The following TANGO6 variants were observed in gnomAD, a reference collection of about 807,000 sequenced individuals.
The protein encoded by TANGO6 is transport and golgi organization 6 homolog, also known as transport and Golgi organization protein 6 homolog.
A neutral mutation model predicts 114.2 loss-of-function variants in TANGO6; 90 were observed. The ratio of observed to expected loss-of-function variants is 0.79; its 90% confidence interval spans 0.66 to 0.94. The LOEUF (loss-of-function observed/expected upper bound fraction) is 0.94. Among genes scored for constraint, TANGO6 ranks in the 40% least tolerant of loss-of-function variants. TANGO6 has a pLI of 0.00. For synonymous variants in TANGO6, 477 were observed against 509.8 expected, an observed-to-expected ratio of 0.94 and a Z score of 0.87; for missense variants, 1,274 against 1,315.3, an observed-to-expected ratio of 0.97 and a Z score of 0.49.
intron 14 of TANGO6, among the ~76,000 whole-genome samples, chr16:68,934,338 C>T (rs1963278564): frequency 6.6e-6 from 1 of 152,088 alleles, no homozygotes; most frequent in African/African-American, 2.4e-5. Flanking sequence ...AGCCACTGTG[C>T]CCAGCCAAAT....
At chr16:69,046,382 C>T (rs1959858604) in intron 17 of TANGO6, among the ~76,000 whole-genome samples, 1 of 151,268 alleles carries the variant, frequency 6.6e-6, no homozygotes, top group South Asian at 2.1e-4. Flanking sequence ...TGCAGTGGCA[C>T]GATCTCGGCT....
chr16:69,033,461 A>G (rs1959632477), intron 16 of TANGO6, among the ~76,000 whole-genome samples: 1 of 152,142 alleles, frequency 6.6e-6, no homozygotes, highest in Non-Finnish European at 1.5e-5. Flanking sequence ...AGAGGAGTAA[A>G]TCAACAGTGG....
intron 7 of TANGO6, among the ~76,000 whole-genome samples, chr16:68,891,992 A>T (rs943830499): frequency 1.1e-4 from 16 of 152,082 alleles, no homozygotes; most frequent in African/African-American, 3.1e-4. Flanking sequence ...AAGGAAATGC[A>T]TAGGGCATTG....
intron 15 of TANGO6, chr16:69,007,106 T>C (rs1052164822): frequency 1.3e-5 from 2 of 152,206 alleles, no homozygotes; most frequent in African/African-American, 4.8e-5. Context: ...GGAGCCATGC[T>C]AATCTCTGTA....
chr16:69,051,785 G>T (rs890753849), intron 17 of TANGO6, among the ~76,000 whole-genome samples: 7 of 152,160 alleles, frequency 4.6e-5, no homozygotes, highest in Admixed American at 2.6e-4. Context: ...GATGGAGGCT[G>T]CAGTGAGCCA....
At chr16:69,036,788 C>T (rs1439207892) in intron 16 of TANGO6, among the ~76,000 whole-genome samples, 1 of 151,850 alleles carries the variant, frequency 6.6e-6, no homozygotes, top group African/African-American at 2.4e-5. Flanking sequence ...CATGGCAAAA[C>T]TCCATCTCTA....
At chr16:69,018,473 AT>A (rs1959344154) in intron 15 of TANGO6, among the ~76,000 whole-genome samples, 1 of 151,396 alleles carries the variant, frequency 6.6e-6, no homozygotes, top group African/African-American at 2.4e-5. Flanking sequence ...GCAATATATC[AT>A]AGGAGTTACT....
chr16:68,902,807 C>T (rs1962802654), intron 9 of TANGO6, among the ~76,000 whole-genome samples: 1 of 152,182 alleles, frequency 6.6e-6, no homozygotes, highest in South Asian at 2.1e-4. Flanking sequence ...CATGTTCACC[C>T]TTAACACCAT....
At chr16:69,043,861 C>A (rs534828591) in intron 17 of TANGO6, among the ~76,000 whole-genome samples, 1 of 152,248 alleles carries the variant, frequency 6.6e-6, no homozygotes, top group African/African-American at 2.4e-5. Flanking sequence ...TCAGTGAATT[C>A]TCTGTTGCTT....
chr16:68,968,565 A>G (rs1010813136), intron 14 of TANGO6, among the ~76,000 whole-genome samples: 2 of 150,294 alleles, frequency 1.3e-5, no homozygotes, highest in Admixed American at 6.6e-5. Flanking sequence ...GGGTTTCACC[A>G]TGTTGGTCAG....
chr16:68,870,593 C>T (rs1962251443), intron 4 of TANGO6, among the ~76,000 whole-genome samples: 1 of 152,092 alleles, frequency 6.6e-6, no homozygotes, highest in African/African-American at 2.4e-5. Context: ...TATGAGTTCC[C>T]CCAACTTGTG....
At chr16:68,852,383 A>G (rs1344108787) in intron 1 of TANGO6, among the ~76,000 whole-genome samples, 1 of 151,982 alleles carries the variant, frequency 6.6e-6, no homozygotes, top group Non-Finnish European at 1.5e-5. Flanking sequence ...TTACATTTTG[A>G]TTCCTTCTAA....
intron 1 of TANGO6, among the ~76,000 whole-genome samples, chr16:68,856,592 C>A (rs1284164877): frequency 6.6e-6 from 1 of 152,150 alleles, no homozygotes; most frequent in African/African-American, 2.4e-5. Context: ...CCCATATACT[C>A]CCTTCCCTAC....
Position 69,011,832 on chromosome 16 carries a change from G to A in TANGO6, c.2843-10996G>A, listed in dbSNP as rs796113447. 6.6e-5 allele frequency among the ~76,000 whole-genome samples: 10 copies of A among 152,194 alleles called. 1 individual carries two copies. The highest frequency in any genetic ancestry group is 1.9e-4 in the African/African-American group (8 of 41,516). The stretch of plus-strand genomic sequence containing the variant: ...GGGATCTGATATGCATAAATGAATC[G>A]ATCACTCTAGACTTCAGAGTACCAT... On this transcript the variant is annotated intron_variant, in intron 15 of 17. Transcript: ENST00000261778.
At chr16:69,082,728 A>T (rs1478380181) in intron 17 of TANGO6, among the ~76,000 whole-genome samples, 1 of 151,606 alleles carries the variant, frequency 6.6e-6, no homozygotes, top group African/African-American at 2.4e-5. Flanking sequence ...CTGGCAACAG[A>T]GTGAGACTCC....
rs1170142167 is a variant in TANGO6, at chr16:68,980,433, A to ATT, written c.2842+6266_2842+6267insTT. 9.0e-4 allele frequency among the ~76,000 whole-genome samples: 73 copies of ATT among 80,744 alleles called. 1 individual carries two copies. Among genetic ancestry groups the ATT allele is most frequent in the African/African-American group, 3.1e-3 (60 of 19,094 alleles). The allele number at this position is 80,744 out of a possible 152,430, so 53.0% of individuals were successfully genotyped here. A position where few individuals can be genotyped will look rare whatever the true frequency, so the allele number is the denominator to read the frequency against. On this transcript the variant is annotated intron_variant, in intron 15 of 17. Transcript: ENST00000261778. The stretch of plus-strand genomic sequence containing the variant: ...TCTATATATATATATATATATATAT[A>ATT]TATTTTTTTTTTTTTTTTTGAGATA...
intron 1 of TANGO6, among the ~76,000 whole-genome samples, chr16:68,848,018 AAC>A (rs1555519419): frequency 1.3e-5 from 2 of 151,596 alleles, no homozygotes; most frequent in Admixed American, 6.6e-5. Flanking sequence ...AAAAAAAAAA[AAC>A]TATTGCAAAT....
chr16:68,995,678 C>T (rs1963984069), intron 15 of TANGO6, among the ~76,000 whole-genome samples: 1 of 152,190 alleles, frequency 6.6e-6, no homozygotes. Context: ...TTTGCCCATG[C>T]TGGAACTTAT....
At chr16:68,898,751 T>G (rs914371040) in intron 7 of TANGO6, among the ~76,000 whole-genome samples, 11 of 152,160 alleles carry the variant, frequency 7.2e-5, no homozygotes, top group African/African-American at 2.4e-4. Flanking sequence ...AAAAACCTAT[T>G]ATGATTCCCA....
Sources: allele counts gnomAD v4.1 joint callset (sites outside exome capture counted in the v4.1 genomes callset), GRCh38; gene constraint gnomAD v4.1.1; transcripts MANE v1.5; gene names NCBI Gene and HGNC (gene_info 2026-07-23, HGNC 2026-07-21).